Variants in PRR5L observed in about 807,000 individuals in gnomAD.
PRR5L encodes proline-rich protein 5-like.
A neutral mutation model predicts 36.4 loss-of-function variants in PRR5L; 21 were observed. The ratio of observed to expected loss-of-function variants is 0.58; its 90% CI spans 0.41 to 0.83. The LOEUF is 0.83. Among genes scored for constraint, PRR5L ranks in the 40% least tolerant of loss-of-function variants. The pLI is 0.00. For synonymous variants in PRR5L, 188 were observed against 197.0 expected, an observed-to-expected ratio of 0.95 and a Z score of 0.38; for missense variants, 381 against 473.3, an observed-to-expected ratio of 0.80 and a Z score of 1.81.
intron 3 of PRR5L, among the ~76,000 whole-genome samples, chr11:36,413,351 T>C (rs1858067829): frequency 6.6e-6 from 1 of 152,166 alleles, no homozygotes; most frequent in Non-Finnish European, 1.5e-5. Flanking sequence ...ACACCCTGCT[T>C]CCTGATGTCA....
chr11:36,401,996 A>G (rs1281006365), intron 2 of PRR5L, among the ~76,000 whole-genome samples: 1 of 152,182 alleles, frequency 6.6e-6, no homozygotes, highest in Non-Finnish European at 1.5e-5. Context: ...AAATTAAATG[A>G]TTGGCATAAA....
In PRR5L at chr11:36,451,419, A is replaced by C. The variant is rs1202526542; in HGVS notation, c.712+84A>C. The C allele has an allele frequency of 7.3e-6, 11 of 1,504,038 alleles. No individual in the cohort carries two copies. The East Asian group carries it at 1.6e-4, about 22-fold the overall frequency. 93.2% of individuals were successfully genotyped at this position (1,504,038 alleles called of 1,614,324 possible). On this transcript the variant is annotated intron_variant, in intron 8 of 8. Transcript: ENST00000530639. The stretch of plus-strand genomic sequence containing the variant: ...TTAACTGAGCACTGTTTAACTGAGC[A>C]CTGATACCAGCACTGTTTAACTGAG...
At chr11:36,303,126 T>C (rs2133449339) in intron 1 of PRR5L, among the ~76,000 whole-genome samples, 1 of 152,276 alleles carries the variant, frequency 6.6e-6, no homozygotes, top group African/African-American at 2.4e-5. Context: ...GAAGCAGGAC[T>C]CTTCCTCAAG....
chr11:36,437,229 A>G (rs112390831), intron 5 of PRR5L, among the ~76,000 whole-genome samples, 156 bp from the exon 6 acceptor site: 4 of 152,204 alleles, frequency 2.6e-5, no homozygotes, highest in African/African-American at 9.7e-5. Context: ...CTGTAGCACC[A>G]CACCTCTGCT....
At chr11:36,297,592 C>G (rs1856326556) in intron 1 of PRR5L, among the ~76,000 whole-genome samples, 1 of 152,080 alleles carries the variant, frequency 6.6e-6, no homozygotes, top group South Asian at 2.1e-4. Context: ...TTCAGCAGGT[C>G]CTCCCTCTTC....
chr11:36,439,282 A>G (rs546701331), intron 6 of PRR5L, among the ~76,000 whole-genome samples: 2 of 151,902 alleles, frequency 1.3e-5, no homozygotes, highest in Non-Finnish European at 2.9e-5. Context: ...TCTAGAATGG[A>G]GAGTGCAGGA....
chr11:36,421,002 A>G (rs1310543823), intron 4 of PRR5L, among the ~76,000 whole-genome samples: 3 of 152,198 alleles, frequency 2.0e-5, no homozygotes, highest in Admixed American at 1.3e-4. Context: ...AAAGATTAAG[A>G]GAGAGATAAT....
At position 36,310,143 on chromosome 11, in the gene PRR5L, C is replaced by T. The variant is rs11033547; in HGVS notation, c.-126+13705C>T. 7.2e-3 allele frequency among the ~76,000 whole-genome samples: 1,100 copies of T among 152,254 alleles called. 6 individuals are homozygous for T. The highest frequency in any genetic ancestry group is 0.012 in the Non-Finnish European group (833 of 68,006). ...GCTACAAATGGTACCCCAATTTACT[C>T]TGTCCCCAAGGGTATTCTCGGTTCA... On this transcript the variant is annotated intron_variant, in intron 1 of 8. Transcript: ENST00000530639.
chr11:36,463,631 A>C lies in PRR5L; in HGVS notation c.*895A>C, dbSNP rs1226748606. The stretch of plus-strand genomic sequence containing the variant: ...ATCTGGATTTGACTTGAATTTTTAA[A>C]ATGTGTATCGTTTAAAAAAAAAAAT... On this transcript the variant is annotated 3_prime_UTR_variant, in exon 9 of 9. Coordinates refer to ENST00000530639, the MANE Select transcript of PRR5L (RefSeq NM_001160167.2). 1.4e-5 allele frequency: 2 copies of C among 145,044 alleles called. No homozygotes were observed. Among genetic ancestry groups the C allele is most frequent in the Admixed American group, 1.4e-4 (2 of 14,210 alleles). 9.0% of individuals were successfully genotyped at this position (145,044 alleles called of 1,614,324 possible).
At chr11:36,321,567 C>T (rs1232064843) in intron 1 of PRR5L, 1 of 152,216 alleles carries the variant, frequency 6.6e-6, no homozygotes, top group Non-Finnish European at 1.5e-5. Context: ...CTGGCAGTGC[C>T]CATACAGCAT....
intron 1 of PRR5L, among the ~76,000 whole-genome samples, chr11:36,351,448 TTTATATA>T (rs1565407930): frequency 2.4e-5 from 1 of 41,810 alleles, no homozygotes; most frequent in African/African-American, 1.1e-4. Context: ...TACATATATA[TTTATATA>T]TTTATATATT....
chr11:36,357,565 T>A (rs1413049352), intron 1 of PRR5L, among the ~76,000 whole-genome samples: 1 of 152,196 alleles, frequency 6.6e-6, no homozygotes, highest in Non-Finnish European at 1.5e-5. Context: ...TTTACCTTTT[T>A]CAAAATCCTA....
intron 7 of PRR5L, among the ~76,000 whole-genome samples, chr11:36,447,935 G>A (rs181514377): frequency 6.6e-6 from 1 of 152,328 alleles, no homozygotes; most frequent in Admixed American, 6.5e-5. Context: ...TCTTGAAAAT[G>A]AGCCCTTTGG....
intron 1 of PRR5L, among the ~76,000 whole-genome samples, chr11:36,349,467 C>T (rs1169122961): frequency 6.6e-6 from 1 of 152,022 alleles, no homozygotes; most frequent in African/African-American, 2.4e-5. Flanking sequence ...ACAGGAGGCC[C>T]GAGTAGGACC....
intron 1 of PRR5L, among the ~76,000 whole-genome samples, chr11:36,372,266 G>T (rs768821439): frequency 6.6e-6 from 1 of 151,982 alleles, no homozygotes; most frequent in Admixed American, 6.6e-5. Flanking sequence ...GGCTCTGTGC[G>T]GGGTAGAAAT....
chr11:36,395,791 A>C (rs1200560232), intron 1 of PRR5L, among the ~76,000 whole-genome samples: 1 of 152,138 alleles, frequency 6.6e-6, no homozygotes, highest in South Asian at 2.1e-4. Context: ...ACATGATCAC[A>C]GCTCACTGTA....
chr11:36,369,833 G>A (rs1857180584), intron 1 of PRR5L, among the ~76,000 whole-genome samples: 1 of 152,162 alleles, frequency 6.6e-6, no homozygotes, highest in Non-Finnish European at 1.5e-5. Flanking sequence ...CTGACCTCAG[G>A]TGATCCACCC....
chr11:36,443,910 C>T (rs751216893), intron 6 of PRR5L, among the ~76,000 whole-genome samples: 2 of 152,158 alleles, frequency 1.3e-5, no homozygotes, highest in Non-Finnish European at 2.9e-5. Context: ...TGGTGTAAGA[C>T]AGTAGGCTCT....
At chr11:36,323,468 C>T (rs1856632360) in intron 1 of PRR5L, 1 of 152,200 alleles carries the variant, frequency 6.6e-6, no homozygotes, top group African/African-American at 2.4e-5. Flanking sequence ...CCAGGCTGGG[C>T]TGAAGCAGGC....
Sources: gnomAD v4.1 joint callset for allele counts (sites outside exome capture counted in the v4.1 genomes callset) on GRCh38, gnomAD v4.1.1 for gene constraint, MANE v1.5 for transcripts, NCBI Gene and HGNC (gene_info 2026-07-23, HGNC 2026-07-21) for gene names.